Variants in PCDHGA12 observed in about 807,000 individuals in gnomAD.
The protein encoded by PCDHGA12 is protocadherin gamma-A12.
A neutral mutation model predicts 61.1 loss-of-function variants in PCDHGA12; 43 were observed. The ratio of observed to expected loss-of-function variants is 0.70; its 90% CI spans 0.55 to 0.91. The LOEUF is 0.91. PCDHGA12 is among the 40% of genes least tolerant of loss of function. The pLI, the probability that PCDHGA12 is intolerant of heterozygous loss-of-function variation, is 0.00. For synonymous variants in PCDHGA12, 520 were observed against 542.9 expected (o/e 0.96, Z 0.59); for missense variants, 1,236 against 1,227.7 (o/e 1.01, Z -0.10).
chr5:141,492,553 G>C (rs1184580300), intron 1 of PCDHGA12, among the ~76,000 whole-genome samples: 1 of 152,148 alleles, frequency 6.6e-6, no homozygotes, highest in Non-Finnish European at 1.5e-5. Flanking sequence ...CGGGTCGCCT[G>C]GGGGGCGGCC....
Position 141,489,463 on chromosome 5 carries a change from T to C in PCDHGA12, c.2425-5344T>C. ...GGGCTCTGAGGAGAATGGGCGCTAT[T>C]TTTCCCTGAGCTTGATGAGTGGTGC... On this transcript the variant is annotated intron_variant, in intron 1 of 3. Transcript: ENST00000252085. This position sits in a 1 kb window ranked among gnomAD's most constrained non-coding sequence, Gnocchi z 4.5. 6.2e-7 allele frequency: 1 copy of C among 1,614,050 alleles called. No individual in the cohort carries two copies. The highest frequency in any genetic ancestry group is 8.5e-7 in the Non-Finnish European group (1 of 1,180,002).
intron 1 of PCDHGA12, among the ~76,000 whole-genome samples, chr5:141,468,000 C>G (rs1429450909): frequency 6.6e-6 from 1 of 152,028 alleles, no homozygotes; most frequent in East Asian, 1.9e-4. Flanking sequence ...ATTCTTTCTT[C>G]CTCTGTTATA....
rs1369956811 is a variant in PCDHGA12, at chr5:141,460,759, A to G, written c.2424+27576A>G. Among the ~76,000 whole-genome samples, 3 of 152,088 alleles carry G rather than the reference A, an allele frequency of 2.0e-5. No individual in the cohort carries two copies. In the East Asian group the frequency reaches 5.8e-4, roughly 29 times the overall value. On this transcript the variant is annotated intron_variant, in intron 1 of 3. Coordinates refer to ENST00000252085, the MANE Select transcript of PCDHGA12 (RefSeq NM_003735.3). ...ATTGTATATATATGTGTACATATAC[A>G]TATTGCATATGTATGTATACATATA...
At chr5:141,478,143 A>G (rs759384540) in intron 1 of PCDHGA12, 72 of 1,614,014 alleles carry the variant, frequency 4.5e-5, no homozygotes, top group Middle Eastern at 3.3e-4. Context: ...GCCCGAGCCG[A>G]GTTCCCCTCT....
At chr5:141,469,992 G>A (rs894673835) in intron 1 of PCDHGA12, among the ~76,000 whole-genome samples, 10 of 152,054 alleles carry the variant, frequency 6.6e-5, no homozygotes, top group South Asian at 2.1e-4. Context: ...TTAGCTGGTC[G>A]TCGTGGCACG....
At chr5:141,495,452 C>T (rs543717781) in intron 2 of PCDHGA12, among the ~76,000 whole-genome samples, 1 of 152,356 alleles carries the variant, frequency 6.6e-6, no homozygotes, top group Non-Finnish European at 1.5e-5. Context: ...TTGTCCTGCT[C>T]TCTGTCTGTG....
chr5:141,484,897 A>G (rs2099602925), intron 1 of PCDHGA12: 2 of 392,698 alleles, frequency 5.1e-6, no homozygotes, highest in Middle Eastern at 7.1e-4. Flanking sequence ...TTTCCCCTCC[A>G]ATGCTGCGAC....
rs779656906 is a variant in PCDHGA12 at position 141,476,872 on chromosome 5, C to T, written c.2425-17935C>T. On this transcript the variant is annotated intron_variant, in intron 1 of 3. Transcript: ENST00000252085. The surrounding 1 kb of genome is among the most constrained non-coding windows in gnomAD (Gnocchi z 7.6). ...TCAACCAGTCCTTGTACCGGGCGCG[C>T]GTCCTGGAGGATGCACCCTCCGGCA... 1.6e-4 allele frequency: 254 copies of T among 1,613,734 alleles called. No individual in the cohort carries two copies. The highest frequency in any genetic ancestry group is 2.1e-4 in the Non-Finnish European group (248 of 1,180,054).
chr5:141,467,084 A>T, intron 1 of PCDHGA12, among the ~76,000 whole-genome samples: 1 of 142,674 alleles, frequency 7.0e-6, no homozygotes, highest in African/African-American at 2.6e-5. Context: ...ACCAAGTCTC[A>T]CTCTGTCACA....
rs2097327732 is a variant in PCDHGA12, at chr5:141,430,936, C to T, written c.177C>T (p.Leu59=). The stretch of plus-strand genomic sequence containing the variant: ...ACCTGGGGCTGGAGCCCCGGGAGCT[C>T]GCGGAGCGCGGAGTCCGCATCATCC... The part of the protein sequence containing the change: ...SRDLGLEPRE[L]AERGVRIIPR... Residue 59 remains leucine, a synonymous_variant, in exon 1 of 4, where the codon CTC becomes CTT. Transcript: ENST00000252085. The T allele has an allele frequency of 2.5e-6, 4 of 1,606,984 alleles. No homozygotes were observed. Among genetic ancestry groups the T allele is most frequent in the Admixed American group, 3.4e-5 (2 of 58,652 alleles).
At chr5:141,480,738 T>C (rs2099524955) in intron 1 of PCDHGA12, among the ~76,000 whole-genome samples, 1 of 152,124 alleles carries the variant, frequency 6.6e-6, no homozygotes, top group Admixed American at 6.5e-5. Flanking sequence ...GGGTGGGACA[T>C]AGGCATCATT....
Position 141,491,340 on chromosome 5 carries a change from C to T in PCDHGA12, c.2425-3467C>T, listed in dbSNP as rs772328241. The T allele has an allele frequency of 3.7e-6, 6 of 1,614,144 alleles. No individual in the cohort carries two copies. The Admixed American group carries it at 6.7e-5, about 18-fold the overall frequency. ...TTTACCTCATTGTGGCTCTAGCGAC[C>T]GTCAGTCTCTTATCCCTAGTCACCT... On this transcript the variant is annotated intron_variant, in intron 1 of 3. Transcript: ENST00000252085. This position sits in a 1 kb window ranked among gnomAD's most constrained non-coding sequence, Gnocchi z 6.9.
intron 1 of PCDHGA12, among the ~76,000 whole-genome samples, chr5:141,436,221 G>C (rs1468526543): frequency 6.6e-6 from 1 of 152,004 alleles, no homozygotes; most frequent in African/African-American, 2.4e-5. Context: ...CAAATGACTT[G>C]GGAAACTAAG....
At chr5:141,464,676 T>A (rs1337677151) in intron 1 of PCDHGA12, among the ~76,000 whole-genome samples, 1 of 152,176 alleles carries the variant, frequency 6.6e-6, no homozygotes. Flanking sequence ...ATAATTTTAA[T>A]TAAAATTTCT....
At chr5:141,509,670 T>G (rs2099877782) in intron 3 of PCDHGA12, among the ~76,000 whole-genome samples, 1 of 152,136 alleles carries the variant, frequency 6.6e-6, no homozygotes, top group African/African-American at 2.4e-5. Flanking sequence ...TGGGCCCCAG[T>G]TTCTTCTTCT....
chr5:141,478,711 T>A, intron 1 of PCDHGA12: 1 of 1,547,346 alleles, frequency 6.5e-7, no homozygotes, highest in Non-Finnish European at 8.7e-7. Flanking sequence ...CTTTGTGAGA[T>A]GGTGGCCTGC....
chr5:141,490,251 A>G lies in PCDHGA12; in HGVS notation c.2425-4556A>G, dbSNP rs1479384008. ...CCATGGAGGGCCACTGTGTGATTCA[A>G]GTGGATGTGGGGGATGTCAATGACA... is the stretch of plus-strand genomic sequence containing the variant. On this transcript the variant is annotated intron_variant, in intron 1 of 3. Coordinates refer to ENST00000252085, the MANE Select transcript of PCDHGA12 (RefSeq NM_003735.3). This position sits in a 1 kb window ranked among gnomAD's most constrained non-coding sequence, Gnocchi z 5.4. 6.2e-7 allele frequency: 1 copy of G among 1,614,210 alleles called. No homozygotes were observed. Among genetic ancestry groups the G allele is most frequent in the Non-Finnish European group, 8.5e-7 (1 of 1,180,036 alleles).
At chr5:141,438,091 C>T (rs964466012) in intron 1 of PCDHGA12, among the ~76,000 whole-genome samples, 1 of 152,098 alleles carries the variant, frequency 6.6e-6, no homozygotes, top group Admixed American at 6.6e-5. Flanking sequence ...TTACCAGTAA[C>T]AGGGCATACT....
intron 1 of PCDHGA12, among the ~76,000 whole-genome samples, chr5:141,483,630 G>A (rs2099583876): frequency 6.7e-6 from 1 of 149,714 alleles, no homozygotes; most frequent in African/African-American, 2.5e-5. Flanking sequence ...ATGGGAGAAG[G>A]TATAGAGGGG....
Sources: allele counts gnomAD v4.1 joint callset (sites outside exome capture counted in the v4.1 genomes callset), GRCh38; gene constraint gnomAD v4.1.1; non-coding constraint Gnocchi (gnomAD v3.1); transcripts MANE v1.5; gene names NCBI Gene and HGNC (gene_info 2026-07-23, HGNC 2026-07-21).